The following KLC1 variants were observed in gnomAD, a reference collection of about 807,000 sequenced individuals.
The protein encoded by KLC1 is kinesin light chain 1, also known as kinesin 2 60/70kDa.
A neutral mutation model predicts 84.2 loss-of-function variants in KLC1; 30 were observed. That is an observed-to-expected ratio of 0.36 (90% CI 0.27 to 0.48). KLC1 has a LOEUF of 0.48. KLC1 is among the 20% of genes least tolerant of loss of function. The pLI is 0.99. For synonymous variants in KLC1, 289 were observed against 293.3 expected, an observed-to-expected ratio of 0.99 and a Z score of 0.15; for missense variants, 499 against 805.4, an observed-to-expected ratio of 0.62 and a Z score of 4.60.
At chr14:103,672,863 A>T in intron 7 of KLC1, 151 bp from the exon 8 acceptor site, 1 of 658,850 alleles carries the variant, frequency 1.5e-6, no homozygotes. Flanking sequence ...TTTTATTACT[A>T]CGTGGTGTAG....
intron 1 of KLC1, among the ~76,000 whole-genome samples, chr14:103,635,528 C>T (rs1330043121): frequency 1.3e-5 from 2 of 151,940 alleles, no homozygotes; most frequent in Non-Finnish European, 2.9e-5. Flanking sequence ...CTGAGGAGGG[C>T]GGATCACCTG....
chr14:103,665,921 T>A (rs890559718), intron 5 of KLC1, among the ~76,000 whole-genome samples: 162 of 81,272 alleles, frequency 2.0e-3, no homozygotes, highest in Admixed American at 7.0e-3. Flanking sequence ...ATGCATTGTG[T>A]TTTAATTTGT....
In KLC1 at chr14:103,700,716, G is replaced by A. The variant is rs760362554; in HGVS notation, c.1910G>A (p.Arg637His). The A allele has an allele frequency of 7.5e-6, 12 of 1,600,004 alleles. No individual in the cohort carries two copies. Among genetic ancestry groups the A allele is most frequent in the South Asian group, 4.5e-5 (4 of 89,522 alleles). The change falls in exon 16 of 17, where the codon CGC (arginine) becomes CAC (histidine). Residue 637 changes from arginine to histidine, a missense_variant. Around this residue, in one of 3 missense-constraint regions of KLC1, gnomAD observed 167 missense variants for 208.8 expected, o/e 0.80. Transcript: ENST00000334553. ...CAGCAGCAGCAGTGGCCTGGAAGAC[G>A]CCACCGCTAACGTGAGTCCCACGGC... ...KRQQQQWPGRRHR is the reference protein window; with the variant it reads ...KRQQQQWPGRHHR
At chr14:103,698,626 G>C in intron 15 of KLC1, 2 of 664,878 alleles carry the variant, frequency 3.0e-6, no homozygotes, top group Non-Finnish European at 5.3e-6. Context: ...GCTCAGATGG[G>C]GGTCAGTCTG....
chr14:103,684,832 TGA>T (rs1478222425), intron 13 of KLC1: 2 of 640,230 alleles, frequency 3.1e-6, no homozygotes, highest in African/African-American at 1.8e-5. Flanking sequence ...AGTGTAGCGC[TGA>T]GTTTTGAAAT....
chr14:103,685,037 G>C, intron 13 of KLC1: 1 of 1,522,130 alleles, frequency 6.6e-7, no homozygotes, highest in Non-Finnish European at 8.9e-7. Flanking sequence ...GCGTCCCATG[G>C]TGAGTCCGAG....
intron 1 of KLC1, among the ~76,000 whole-genome samples, chr14:103,633,099 C>T (rs137887161): frequency 6.6e-6 from 1 of 151,086 alleles, no homozygotes; most frequent in East Asian, 2.0e-4. Context: ...GCTCTGTCAC[C>T]CAGGCTGGAA....
chr14:103,654,474 T>C (rs919331518), intron 1 of KLC1, 90 bp from the exon 2 acceptor site: 4 of 998,816 alleles, frequency 4.0e-6, no homozygotes, highest in Non-Finnish European at 5.7e-6. Flanking sequence ...CCCTATAAAA[T>C]GTTAATTAAA....
intron 1 of KLC1, among the ~76,000 whole-genome samples, chr14:103,638,426 C>T (rs59217746): frequency 0.18 from 27,140 of 151,946 alleles, 2,827 homozygotes; most frequent in Middle Eastern, 0.25. Context: ...CATTTTAAAG[C>T]GTGCAGTGCA....
At chr14:103,639,402 A>G (rs963826350) in intron 1 of KLC1, among the ~76,000 whole-genome samples, 1 of 152,126 alleles carries the variant, frequency 6.6e-6, no homozygotes, top group Non-Finnish European at 1.5e-5. Context: ...AAGTGTTGGG[A>G]TTACAGGTGT....
intron 13 of KLC1, among the ~76,000 whole-genome samples, chr14:103,682,171 C>T (rs960536808): frequency 2.0e-5 from 3 of 152,020 alleles, no homozygotes; most frequent in African/African-American, 7.3e-5. Context: ...GAGATCGAGA[C>T]TATCCTGGCC....
intron 1 of KLC1, among the ~76,000 whole-genome samples, chr14:103,640,862 A>G (rs1006321726): frequency 2.0e-5 from 3 of 152,128 alleles, no homozygotes; most frequent in African/African-American, 7.2e-5. Flanking sequence ...TTAATATCCT[A>G]CATTACTGTG....
chr14:103,696,382 C>A, intron 15 of KLC1: 1 of 985,332 alleles, frequency 1.0e-6, no homozygotes, highest in Non-Finnish European at 1.2e-6. Flanking sequence ...GGATTCACAT[C>A]GTTGTTTTCT....
intron 5 of KLC1, among the ~76,000 whole-genome samples, chr14:103,665,116 G>A (rs1037516699): frequency 2.6e-5 from 4 of 151,054 alleles, no homozygotes; most frequent in African/African-American, 9.7e-5. Context: ...CTTTCAGCTT[G>A]TTATTTCATC....
chr14:103,641,073 C>A (rs118035648), intron 1 of KLC1, among the ~76,000 whole-genome samples: 3,870 of 152,138 alleles, frequency 0.025, 86 homozygotes, highest in Middle Eastern at 0.058. Flanking sequence ...TACAGGCATG[C>A]GCTACTATGC....
chr14:103,701,071 C>G (rs2083157686), intron 16 of KLC1, 130 bp from the exon 17 acceptor site: 5 of 1,183,308 alleles, frequency 4.2e-6, no homozygotes, highest in Non-Finnish European at 4.8e-6. Context: ...GGGAGGCTCA[C>G]AACCAGCAAC....
chr14:103,680,397 C>T (rs1209992386), intron 13 of KLC1, among the ~76,000 whole-genome samples: 2 of 151,762 alleles, frequency 1.3e-5, no homozygotes, highest in Non-Finnish European at 2.9e-5. Flanking sequence ...TGCCGTAGTA[C>T]AGTTTGATTA....
At chr14:103,684,950 G>A (rs1647147978) in intron 13 of KLC1, 1 of 808,032 alleles carries the variant, frequency 1.2e-6, no homozygotes, top group African/African-American at 1.7e-5. Flanking sequence ...ACATTTTTGA[G>A]GTGTTGGTAA....
intron 5 of KLC1, among the ~76,000 whole-genome samples, chr14:103,666,359 G>A (rs1206322962): frequency 1.3e-5 from 2 of 151,660 alleles, no homozygotes; most frequent in African/African-American, 4.8e-5. Flanking sequence ...CACCGTGCCC[G>A]GCCCTTGGTG....
Sources: gnomAD v4.1 joint callset for allele counts (sites outside exome capture counted in the v4.1 genomes callset) on GRCh38, gnomAD v4.1.1 for gene constraint, gnomAD v4.1.1 regional missense constraint, MANE v1.5 for transcripts, NCBI Gene and HGNC (gene_info 2026-07-23, HGNC 2026-07-21) for gene names.